The following TPH1 variants were observed in gnomAD, a reference collection of about 807,000 sequenced individuals.
TPH1 encodes tryptophan hydroxylase 1.
TPH1 carries 37 observed loss-of-function variants against 49.5 expected under a neutral mutation model. The ratio of observed to expected loss-of-function variants is 0.75; its 90% CI spans 0.58 to 0.98. TPH1 has a LOEUF of 0.98. Among genes scored for constraint, TPH1 ranks in the 50% least tolerant of loss-of-function variants. The pLI, the probability that TPH1 is intolerant of heterozygous loss-of-function variation, is 0.00. For missense variants in TPH1, 487 were observed against 523.6 expected (o/e 0.93, Z 0.68); for synonymous variants, 160 against 182.1 (o/e 0.88, Z 0.98).
At chr11:18,025,025 C>CT (rs996622798) in intron 8 of TPH1, among the ~76,000 whole-genome samples, 2 of 152,196 alleles carry the variant, frequency 1.3e-5, no homozygotes, top group Non-Finnish European at 2.9e-5. Context: ...TTGCTATAGG[C>CT]TATCTCATTT....
intron 4 of TPH1, 131 bp downstream of exon 4, chr11:18,033,143 C>T: frequency 1.4e-6 from 1 of 734,382 alleles, no homozygotes; most frequent in Non-Finnish European, 2.5e-6. Context: ...ATCCCAGCTA[C>T]TTGGGAGGCT....
rs1848086122 is a variant in TPH1, at chr11:18,040,203, T to G, written c.117+443A>C. Among the ~76,000 whole-genome samples the G allele has an allele frequency of 3.4e-5, 5 of 148,876 alleles. No homozygotes were observed. The South Asian group carries it at 1.0e-3, about 31-fold the overall frequency. ...CCATTTCTCGAAGTAGCTATTTGTA[T>G]CTCCTCTTCTGTAAATTGTTTGTAT... is the stretch of plus-strand genomic sequence containing the variant. On this transcript the variant is annotated intron_variant, in intron 2 of 10. Transcript: ENST00000682019.
Position 18,040,692 on chromosome 11 carries a change from A to G in TPH1, c.71T>C (p.Leu24Ser). ...TATAAGTCCTCCAACTTCATTCTTTAAGGAAAAAATGAGACTTGCTCTTCC... is the reference window on the plus strand; with the variant it reads ...TATAAGTCCTCCAACTTCATTCTTTGAGGAAAAAATGAGACTTGCTCTTCC... ...ERGRASLIFSLKNEVGGLIKA... is the reference protein window; with the variant it reads ...ERGRASLIFSSKNEVGGLIKA... Residue 24 changes from leucine to serine, a missense_variant, in exon 2 of 11, where the codon TTA becomes TCA. Physicochemically the swap from Leu to Ser is moderately radical, Grantham distance 145. Transcript: ENST00000682019. 1 of 1,612,328 alleles carries G rather than the reference A, an allele frequency of 6.2e-7. No homozygotes were observed. Among genetic ancestry groups the G allele is most frequent in the African/African-American group, 1.3e-5 (1 of 74,992 alleles).
intron 7 of TPH1, 58 bp downstream of exon 7, chr11:18,026,432 G>C: frequency 1.1e-6 from 1 of 875,914 alleles, no homozygotes; most frequent in Non-Finnish European, 1.9e-6. Flanking sequence ...CCATAAGGTA[G>C]ATGCCATTAT....
intron 2 of TPH1, among the ~76,000 whole-genome samples, chr11:18,038,382 T>C (rs10832876): frequency 0.19 from 29,115 of 152,088 alleles, 3,347 homozygotes; most frequent in Non-Finnish European, 0.26. Context: ...GCAGCGTGCA[T>C]AGGTCTTAAA....
chr11:18,040,622 T>C, intron 2 of TPH1, 24 bp downstream of exon 2: 1 of 1,601,968 alleles, frequency 6.2e-7, no homozygotes. Flanking sequence ...AAGAATTCTG[T>C]GCAAAAATAC....
At chr11:18,035,825 T>C (rs1848043197) in intron 3 of TPH1, 134 bp downstream of exon 3, 6 of 696,392 alleles carry the variant, frequency 8.6e-6, no homozygotes, top group Non-Finnish European at 1.4e-5. Context: ...TATTTTGTGT[T>C]CCCTTCACTA....
chr11:18,037,082 G>T (rs1237493561), intron 2 of TPH1, among the ~76,000 whole-genome samples: 4 of 152,202 alleles, frequency 2.6e-5, no homozygotes, highest in Non-Finnish European at 2.9e-5. Context: ...GAATAGGCCA[G>T]GCGTGGTGGC....
At chr11:18,040,833 C>A in intron 1 of TPH1, 45 bp from the exon 2 acceptor site, 1 of 1,542,094 alleles carries the variant, frequency 6.5e-7, no homozygotes, top group Non-Finnish European at 8.8e-7. Flanking sequence ...AGAAGTTGCA[C>A]AATGCAGACA....
At chr11:18,040,948 A>C in intron 1 of TPH1, 160 bp from the exon 2 acceptor site, 2 of 593,558 alleles carry the variant, frequency 3.4e-6, no homozygotes, top group Non-Finnish European at 5.7e-6. Context: ...AGTGAGACCA[A>C]AATAAGATAC....
intron 8 of TPH1, among the ~76,000 whole-genome samples, chr11:18,024,212 G>A (rs936342649): frequency 2.6e-5 from 4 of 152,084 alleles, no homozygotes; most frequent in African/African-American, 7.2e-5. Context: ...CTTTTGTTGT[G>A]CGTGTATGTG....
chr11:18,019,651 A>G lies in TPH1; in HGVS notation c.*1340T>C, dbSNP rs1854335605. 2.2e-6 allele frequency: 1 copy of G among 460,042 alleles called. No individual in the cohort carries two copies. The highest frequency in any genetic ancestry group is 4.4e-6 in the Non-Finnish European group (1 of 228,672). 28.5% of individuals were successfully genotyped at this position (460,042 alleles called of 1,614,324 possible). On this transcript the variant is annotated 3_prime_UTR_variant, in exon 11 of 11. Transcript: ENST00000682019. ...GTCATTCAAAATAAGAACTGAAGTC[A>G]TGTATCTGGGTGACATTCCCCATGA...
Position 18,023,997 on chromosome 11 carries a change from T to G in TPH1, c.931-14A>C. 2 of 1,565,970 alleles carry G rather than the reference T, an allele frequency of 1.3e-6. No individual in the cohort carries two copies. Among genetic ancestry groups the G allele is most frequent in the Non-Finnish European group, 1.8e-6 (2 of 1,136,992 alleles). ...GAAAAAGTAGCACTGCAAAAGAACA[T>G]CAATATTATTCTCACACACTGACGA... On this transcript the variant is annotated splice_polypyrimidine_tract_variant and intron_variant, in intron 8 of 10. Coordinates refer to ENST00000682019, the MANE Select transcript of TPH1 (RefSeq NM_004179.3).
intron 1 of TPH1, among the ~76,000 whole-genome samples, chr11:18,045,837 T>C (rs886760201): frequency 6.6e-6 from 1 of 152,066 alleles, no homozygotes; most frequent in Non-Finnish European, 1.5e-5. Context: ...AAAAGAGACA[T>C]TGCCCTTTGA....
rs755187570 is a variant in TPH1 at position 18,029,492 on chromosome 11, A to AT, written c.470+19dup. 1.9e-6 allele frequency: 3 copies of AT among 1,596,056 alleles called. No individual in the cohort carries two copies. Among genetic ancestry groups the AT allele is most frequent in the East Asian group, 4.5e-5 (2 of 44,772 alleles). ...ATTTTATTATCTCAAAGTTGACTATATTTTTTTAAATATACTTACTGTTTA... is the reference window on the plus strand; with the variant it reads ...ATTTTATTATCTCAAAGTTGACTATATTTTTTTTAAATATACTTACTGTTTA... On this transcript the variant is annotated intron_variant, in intron 5 of 10. Transcript: ENST00000682019.
In TPH1 at chr11:18,040,645, C is replaced by A. The variant is rs1392337474; in HGVS notation, c.117+1G>T. The A allele has an allele frequency of 1.9e-6, 3 of 1,610,176 alleles. No individual in the cohort carries two copies. In the South Asian group the frequency reaches 3.3e-5, roughly 18 times the overall value. On this transcript the variant is annotated splice_donor_variant, in intron 2 of 10. Coordinates refer to ENST00000682019, the MANE Select transcript of TPH1 (RefSeq NM_004179.3). LOFTEE classifies it high-confidence loss of function. ...TGTGCAAAAATACAGAAAATGCTTA[C>A]CTGAAAGATTTTCAGGGCTTTTATA...
chr11:18,035,234 G>A (rs2134031947), intron 3 of TPH1, among the ~76,000 whole-genome samples: 1 of 152,298 alleles, frequency 6.6e-6, no homozygotes, highest in East Asian at 1.9e-4. Context: ...TAGATGACAA[G>A]TCTTATGAGA....
intron 1 of TPH1, among the ~76,000 whole-genome samples, chr11:18,044,314 T>C (rs544566): frequency 0.61 from 92,381 of 151,514 alleles, 28,604 homozygotes; most frequent in African/African-American, 0.73. Flanking sequence ...CCCAGCTACT[T>C]GGGAGGCTGA....
intron 6 of TPH1, among the ~76,000 whole-genome samples, chr11:18,028,690 C>T (rs373786540): frequency 1.3e-5 from 2 of 152,224 alleles, no homozygotes; most frequent in African/African-American, 4.8e-5. Context: ...AATGTGGTGC[C>T]CAATCCTGGA....
Sources: gnomAD v4.1 joint callset for allele counts (sites outside exome capture counted in the v4.1 genomes callset) on GRCh38, gnomAD v4.1.1 for gene constraint, MANE v1.5 for transcripts, NCBI Gene and HGNC (gene_info 2026-07-23, HGNC 2026-07-21) for gene names.